Variants in RANBP2 observed in about 807,000 individuals in gnomAD.
RANBP2 encodes RAN binding protein 2.
RANBP2 carries 57 observed loss-of-function variants against 303.6 expected under a neutral mutation model. The observed-to-expected ratio is 0.19, with a 90% CI of 0.15 to 0.23. The LOEUF is 0.23. Among genes scored for constraint, RANBP2 ranks in the 10% least tolerant of loss-of-function variants. The pLI, the probability that RANBP2 is intolerant of heterozygous loss-of-function variation, is 1.00. For missense variants in RANBP2, 3,138 were observed against 3,780.8 expected (o/e 0.83, Z 4.46); for synonymous variants, 1,167 against 1,301.5 (o/e 0.90, Z 2.23).
At chr2:109,532,688 G>A in the RANBP2 span, among the ~76,000 whole-genome samples, 3 of 152,258 alleles carry the variant, frequency 2.0e-5, no homozygotes, top group East Asian at 1.9e-4. Flanking sequence ...GACCTGGCAG[G>A]GAGACCAGGA....
chr2:109,494,618 TG>T, the RANBP2 span, among the ~76,000 whole-genome samples: 1 of 152,048 alleles, frequency 6.6e-6, no homozygotes, highest in Non-Finnish European at 1.5e-5. Context: ...GTCCCTGCAG[TG>T]GGGCCAGAAC....
the RANBP2 span, chr2:108,883,102 A>G: frequency 9.8e-5 from 15 of 152,314 alleles, no homozygotes; most frequent in East Asian, 3.9e-4. Context: ...CCCATCCTCT[A>G]TATTTTGTGA....
At chr2:109,248,389 T>G in the RANBP2 span, among the ~76,000 whole-genome samples, 1 of 152,212 alleles carries the variant, frequency 6.6e-6, no homozygotes, top group African/African-American at 2.4e-5. Context: ...CATGATTATG[T>G]GTTATCGCTC....
chr2:109,062,768 C>T, the RANBP2 span, among the ~76,000 whole-genome samples: 1 of 150,354 alleles, frequency 6.7e-6, no homozygotes. Flanking sequence ...AAGAAAAATC[C>T]ATTTGCTTTT....
the RANBP2 span, chr2:109,129,026 T>C: frequency 2.4e-6 from 1 of 414,456 alleles, no homozygotes; most frequent in Admixed American, 2.7e-5. Context: ...TGCTGAATCC[T>C]CTGGAGGACA....
chr2:109,373,072 T>TGTGC, the RANBP2 span, among the ~76,000 whole-genome samples: 6 of 152,340 alleles, frequency 3.9e-5, 1 homozygote, highest in Admixed American at 3.9e-4. Context: ...TTAGTTTGAA[T>TGTGC]GTGCTGCCCA....
At chr2:109,095,186 A>G in the RANBP2 span, among the ~76,000 whole-genome samples, 6 of 152,326 alleles carry the variant, frequency 3.9e-5, no homozygotes, top group South Asian at 1.2e-3. Context: ...TTATGCTGGA[A>G]AGAGTCAGAC....
chr2:109,408,146 G>T, the RANBP2 span, among the ~76,000 whole-genome samples: 1 of 152,172 alleles, frequency 6.6e-6, no homozygotes. Context: ...GCCACATCCT[G>T]CAGGGATCCA....
At chr2:108,969,359 A>G in the RANBP2 span, among the ~76,000 whole-genome samples, 2 of 152,132 alleles carry the variant, frequency 1.3e-5, no homozygotes, top group East Asian at 3.9e-4. Flanking sequence ...ATTGATCTGT[A>G]TGTGCTGGCT....
At chr2:108,987,646 TG>T in the RANBP2 span, among the ~76,000 whole-genome samples, 2 of 152,242 alleles carry the variant, frequency 1.3e-5, no homozygotes, top group Non-Finnish European at 2.9e-5. Flanking sequence ...CCAACTGTGC[TG>T]TCACAAATTA....
At chr2:109,275,085 A>AT in the RANBP2 span, among the ~76,000 whole-genome samples, 1 of 152,196 alleles carries the variant, frequency 6.6e-6, no homozygotes, top group African/African-American at 2.4e-5. Flanking sequence ...AGCTTCCACC[A>AT]TTAAAAAAAA....
chr2:109,258,869 T>G, the RANBP2 span, among the ~76,000 whole-genome samples: 2 of 152,188 alleles, frequency 1.3e-5, no homozygotes, highest in Non-Finnish European at 2.9e-5. Flanking sequence ...GTGCTGGATT[T>G]GACGAGAACA....
chr2:108,857,171 C>T, the RANBP2 span, among the ~76,000 whole-genome samples: 8 of 136,124 alleles, frequency 5.9e-5, no homozygotes, highest in East Asian at 1.7e-3. Context: ...CTCTGACTCC[C>T]TGGTTCAAGC....
At chr2:108,780,294 G>A (rs1338785279) in intron 25 of RANBP2, among the ~76,000 whole-genome samples, 13 of 147,246 alleles carry the variant, frequency 8.8e-5, no homozygotes, top group African/African-American at 3.3e-4. Flanking sequence ...CCAAGTTCAA[G>A]CGATTCTCCT....
At chr2:109,207,058 T>C in the RANBP2 span, among the ~76,000 whole-genome samples, 1 of 152,034 alleles carries the variant, frequency 6.6e-6, no homozygotes, top group Non-Finnish European at 1.5e-5. Flanking sequence ...CCATGCTCAT[T>C]TGGAGGAGAG....
the RANBP2 span, among the ~76,000 whole-genome samples, chr2:109,699,486 G>C: frequency 2.0e-5 from 3 of 152,204 alleles, no homozygotes; most frequent in Non-Finnish European, 4.4e-5. Context: ...TGCATATTTG[G>C]TGTGTCATAT....
chr2:109,648,379 T>C, the RANBP2 span, among the ~76,000 whole-genome samples: 45 of 152,138 alleles, frequency 3.0e-4, no homozygotes, highest in Non-Finnish European at 6.2e-4. Context: ...TTGAGGCAGT[T>C]TCACTCTTGT....
At chr2:109,658,566 T>A in the RANBP2 span, among the ~76,000 whole-genome samples, 1 of 152,232 alleles carries the variant, frequency 6.6e-6, no homozygotes, top group South Asian at 2.1e-4. Context: ...AAGGATCTTA[T>A]TAAAACCATT....
chr2:109,737,621 T>C, the RANBP2 span: 77 of 276,092 alleles, frequency 2.8e-4, no homozygotes, highest in South Asian at 1.4e-4. Context: ...CATATGGTAG[T>C]TTAATTTTTA....
Sources: gnomAD v4.1 joint callset for allele counts (sites outside exome capture counted in the v4.1 genomes callset) on GRCh38, gnomAD v4.1.1 for gene constraint, MANE v1.5 for transcripts, NCBI Gene and HGNC (gene_info 2026-07-23, HGNC 2026-07-21) for gene names.